Variants in LPP observed in about 807,000 individuals in gnomAD.
LPP encodes the protein LIM domain containing preferred translocation partner in lipoma.
In LPP, 38 loss-of-function variants were observed where a neutral mutation model predicts 60.4. That is an observed-to-expected ratio of 0.63 (90% CI 0.49 to 0.83). The LOEUF (loss-of-function observed/expected upper bound fraction) is 0.83. LPP is among the 40% of genes least tolerant of loss of function. The pLI is 0.00. For synonymous variants in LPP, 328 were observed against 290.8 expected (o/e 1.13, Z -1.30); for missense variants, 902 against 783.6 (o/e 1.15, Z -1.80).
chr3:188,291,856 G>GAAATAAAGT (rs1746097231), intron 2 of LPP, among the ~76,000 whole-genome samples: 1 of 152,070 alleles, frequency 6.6e-6, no homozygotes, highest in Non-Finnish European at 1.5e-5. Context: ...TCTTAAAGCA[G>GAAATAAAGT]TTCTGGATGC....
At chr3:188,806,520 G>A (rs147618478) in intron 9 of LPP, among the ~76,000 whole-genome samples, 4 of 151,652 alleles carry the variant, frequency 2.6e-5, no homozygotes, top group Non-Finnish European at 4.4e-5. Context: ...ATTTTAATTT[G>A]TGTGTTTACA....
chr3:188,883,523 A>G lies in LPP; in HGVS notation c.*9044A>G, dbSNP rs142483731. On this transcript the variant is annotated 3_prime_UTR_variant, in exon 12 of 12. Transcript: ENST00000617246. ...GAGGCGAGCGGATCATGAGGTCAAGAGATCGAGACCATCCTGGTCAACATG... is the reference window on the plus strand; with the variant it reads ...GAGGCGAGCGGATCATGAGGTCAAGGGATCGAGACCATCCTGGTCAACATG... The G allele has an allele frequency of 2.0e-4, 37 of 182,796 alleles. No individual in the cohort carries two copies. In the East Asian group the frequency reaches 3.2e-3, roughly 16 times the overall value. The allele number at this position is 182,796 out of a possible 1,614,324, so 11.3% of individuals were successfully genotyped here.
intron 3 of LPP, among the ~76,000 whole-genome samples, chr3:188,357,458 A>T (rs2150900626): frequency 1.3e-5 from 2 of 150,314 alleles, no homozygotes; most frequent in Non-Finnish European, 3.0e-5. Context: ...TTCTACTAAC[A>T]AATTTAAAGA....
intron 2 of LPP, among the ~76,000 whole-genome samples, chr3:188,245,418 A>G (rs887113780): frequency 2.0e-5 from 3 of 152,084 alleles, no homozygotes; most frequent in African/African-American, 7.2e-5. Context: ...GTTTGTGGGC[A>G]GGGATGGTAT....
intron 6 of LPP, among the ~76,000 whole-genome samples, chr3:188,550,361 A>T (rs1199666523): frequency 6.6e-6 from 1 of 151,816 alleles, no homozygotes; most frequent in Admixed American, 6.6e-5. Context: ...GGTGGATCAC[A>T]AGGTCAGGAG....
intron 9 of LPP, among the ~76,000 whole-genome samples, chr3:188,829,457 TG>T (rs1306028332): frequency 6.6e-6 from 1 of 152,198 alleles, no homozygotes; most frequent in Non-Finnish European, 1.5e-5. Flanking sequence ...CCTCTATGCA[TG>T]CCCCATACCC....
At chr3:188,373,462 G>C (rs1475398423) in intron 3 of LPP, among the ~76,000 whole-genome samples, 1 of 152,222 alleles carries the variant, frequency 6.6e-6, no homozygotes, top group African/African-American at 2.4e-5. Flanking sequence ...GGCCAGTGAT[G>C]ATGAGCCTTT....
intron 6 of LPP, among the ~76,000 whole-genome samples, chr3:188,575,129 G>A (rs1482555866): frequency 2.6e-5 from 4 of 152,090 alleles, no homozygotes; most frequent in Non-Finnish European, 5.9e-5. Context: ...TGACATGGCA[G>A]CATATTCCCA....
At chr3:188,338,229 A>C (rs1215645414) in intron 2 of LPP, among the ~76,000 whole-genome samples, 1 of 152,218 alleles carries the variant, frequency 6.6e-6, no homozygotes, top group East Asian at 1.9e-4. Context: ...CCAAATCATA[A>C]GCTATGGAAT....
intron 4 of LPP, among the ~76,000 whole-genome samples, chr3:188,473,155 G>A (rs1391777913): frequency 6.6e-6 from 1 of 151,948 alleles, no homozygotes; most frequent in East Asian, 1.9e-4. Flanking sequence ...GAAATAATTT[G>A]AGACCCTAGA....
chr3:188,816,287 C>A (rs1038454961), intron 9 of LPP, among the ~76,000 whole-genome samples: 3 of 151,016 alleles, frequency 2.0e-5, no homozygotes, highest in African/African-American at 7.3e-5. Context: ...CTCCAAGCTC[C>A]ACCTCCCGGG....
intron 7 of LPP, among the ~76,000 whole-genome samples, chr3:188,612,152 T>A (rs1843847173): frequency 6.6e-6 from 1 of 152,214 alleles, no homozygotes; most frequent in Non-Finnish European, 1.5e-5. Context: ...CATATTCGGC[T>A]GTGCATTGAA....
At position 188,464,033 on chromosome 3, in the gene LPP, T is replaced by C. The variant is rs192025675; in HGVS notation, c.194-20559T>C. Among the ~76,000 whole-genome samples the C allele has an allele frequency of 2.0e-3, 300 of 152,360 alleles. 4 individuals carry two copies. Among genetic ancestry groups the C allele is most frequent in the Non-Finnish European group, 5.0e-4 (34 of 68,036 alleles). On this transcript the variant is annotated intron_variant, in intron 4 of 11. Transcript: ENST00000617246. ...CAATACAGTATTGGATTTGGAGTTT[T>C]GAAAGAAAGTAAAACCTAATTTCCT...
chr3:188,654,992 A>G (rs75840505), intron 7 of LPP, among the ~76,000 whole-genome samples: 2 of 152,242 alleles, frequency 1.3e-5, no homozygotes, highest in African/African-American at 4.8e-5. Context: ...TAAATAATTT[A>G]TATGGAACAA....
rs751273982 is a variant in LPP, at chr3:188,484,648, A to G, written c.250A>G (p.Ile84Val). The G allele has an allele frequency of 2.5e-6, 4 of 1,613,922 alleles. No individual in the cohort carries two copies. Among genetic ancestry groups the G allele is most frequent in the East Asian group, 2.2e-5 (1 of 44,844 alleles). The change falls in exon 5 of 12, where the codon ATC becomes GTC. Residue 84 changes from isoleucine to valine, a missense_variant. Coordinates refer to ENST00000617246, the MANE Select transcript of LPP (RefSeq NM_001375462.1). ...PLDDSSALPSISGNFPPPPPL... is the reference protein window; with the variant it reads ...PLDDSSALPSVSGNFPPPPPL... ...AGATGATTCCAGTGCCCTTCCATCT[A>G]TCTCTGGAAACTTTCCTCCTCCACC...
intron 7 of LPP, among the ~76,000 whole-genome samples, chr3:188,698,583 T>C (rs956169904): frequency 6.6e-6 from 1 of 151,720 alleles, no homozygotes; most frequent in African/African-American, 2.4e-5. Flanking sequence ...TGGCAGGAGA[T>C]CTTTGACCTA....
intron 5 of LPP, among the ~76,000 whole-genome samples, chr3:188,508,627 C>T (rs1299824021): frequency 2.0e-5 from 3 of 152,144 alleles, no homozygotes; most frequent in Admixed American, 6.5e-5. Context: ...AATGGAAACT[C>T]GCACTCCTTC....
At chr3:188,324,366 G>A (rs1230498273) in intron 2 of LPP, among the ~76,000 whole-genome samples, 1 of 152,028 alleles carries the variant, frequency 6.6e-6, no homozygotes, top group Non-Finnish European at 1.5e-5. Context: ...CTGCTCCACT[G>A]TTGTTCCTGT....
At chr3:188,228,088 A>G (rs562494125) in intron 2 of LPP, among the ~76,000 whole-genome samples, 4 of 152,340 alleles carry the variant, frequency 2.6e-5, no homozygotes, top group Admixed American at 2.6e-4. Context: ...GCCGGGCTTT[A>G]GTTCCTGCCT....
Sources: gnomAD v4.1 joint callset for allele counts (sites outside exome capture counted in the v4.1 genomes callset) on GRCh38, gnomAD v4.1.1 for gene constraint, MANE v1.5 for transcripts, NCBI Gene and HGNC (gene_info 2026-07-23, HGNC 2026-07-21) for gene names.